Variants in AP1B1 observed in about 807,000 individuals in gnomAD.
AP1B1 encodes the protein AP-1 complex subunit beta-1.
A neutral mutation model predicts 104.3 loss-of-function variants in AP1B1; 36 were observed. The observed-to-expected ratio is 0.35, with a 90% CI of 0.26 to 0.46. The LOEUF (loss-of-function observed/expected upper bound fraction) is 0.46. Ranked by LOEUF, AP1B1 falls within the 20% of genes least tolerant of loss-of-function variation. The pLI, the probability that AP1B1 is intolerant of heterozygous loss-of-function variation, is 1.00. For missense variants in AP1B1, 901 were observed against 1,247.9 expected (o/e 0.72, Z 4.19); for synonymous variants, 504 against 517.5 (o/e 0.97, Z 0.35).
At chr22:29,386,180 A>C (rs1362219738) in intron 1 of AP1B1, among the ~76,000 whole-genome samples, 1 of 152,178 alleles carries the variant, frequency 6.6e-6, no homozygotes, top group Non-Finnish European at 1.5e-5. Flanking sequence ...CCAGGGGTAG[A>C]GGAGTCAGAA....
At chr22:29,385,385 C>T (rs1232506845) in intron 1 of AP1B1, among the ~76,000 whole-genome samples, 4 of 151,732 alleles carry the variant, frequency 2.6e-5, no homozygotes, top group South Asian at 4.2e-4. Context: ...GATCCTGTCT[C>T]GAAAAAAGAA....
At position 29,334,260 on chromosome 22, in the gene AP1B1, C is replaced by T. The variant is rs1364702850; in HGVS notation, c.2309+5G>A. On this transcript the variant is annotated splice_donor_5th_base_variant and intron_variant, in intron 17 of 22. Transcript: ENST00000357586. Reference sequence around the variant, plus strand: ...AGAGGTGCGCTGGCCTCAGGGAGCTCTCACCTGTTGCGGTTGAACTGGATG... The same window carrying T: ...AGAGGTGCGCTGGCCTCAGGGAGCTTTCACCTGTTGCGGTTGAACTGGATG... 14 of 1,589,928 alleles carry T rather than the reference C, an allele frequency of 8.8e-6. No homozygotes were observed. Among genetic ancestry groups the T allele is most frequent in the Non-Finnish European group, 1.2e-5 (14 of 1,169,616 alleles).
At chr22:29,377,261 C>CAGACAGGGA (rs1216846300) in intron 1 of AP1B1, among the ~76,000 whole-genome samples, 1 of 141,288 alleles carries the variant, frequency 7.1e-6, no homozygotes, top group Non-Finnish European at 1.5e-5. Flanking sequence ...GTTCACTTTA[C>CAGACAGGGA]AGACAGGGAA....
intron 2 of AP1B1, among the ~76,000 whole-genome samples, chr22:29,363,465 T>C (rs1039889083): frequency 2.6e-5 from 4 of 152,062 alleles, no homozygotes; most frequent in Non-Finnish European, 4.4e-5. Flanking sequence ...CTGGCCAACA[T>C]AGTGAAACCT....
At chr22:29,348,162 A>C (rs1416781714) in intron 11 of AP1B1, among the ~76,000 whole-genome samples, 1 of 152,240 alleles carries the variant, frequency 6.6e-6, no homozygotes, top group African/African-American at 2.4e-5. Flanking sequence ...ACTTGCTAAA[A>C]TTTACTTGTA....
chr22:29,366,552 TG>T (rs2062140045), intron 2 of AP1B1, among the ~76,000 whole-genome samples: 1 of 152,044 alleles, frequency 6.6e-6, no homozygotes, highest in African/African-American at 2.4e-5. Flanking sequence ...CACTTAAACC[TG>T]GAAAGCGGAG....
rs774368924 is a variant in AP1B1 at position 29,349,314 on chromosome 22, G to A, written c.1341C>T (p.Ala447=). The part of the protein sequence containing the change: ...DSLDEPEARA[A]MIWIVGEYAE... The stretch of plus-strand genomic sequence containing the variant: ...CGTACTCGCCCACAATCCAGATCAT[G>A]GCAGCCCGGGCCTCAGGCTCATCCA... The change falls in exon 11 of 23, where the codon GCC becomes GCT. Residue 447 remains alanine (A), a synonymous_variant. Coordinates refer to ENST00000357586, the MANE Select transcript of AP1B1 (RefSeq NM_001127.4). 1.9e-6 allele frequency: 3 copies of A among 1,614,120 alleles called. No individual in the cohort carries two copies. Among genetic ancestry groups the A allele is most frequent in the African/African-American group, 1.3e-5 (1 of 75,050 alleles).
intron 11 of AP1B1, among the ~76,000 whole-genome samples, chr22:29,343,320 A>C (rs1222804141): frequency 6.6e-6 from 1 of 152,208 alleles, no homozygotes; most frequent in Non-Finnish European, 1.5e-5. Flanking sequence ...CAGTGCAGGA[A>C]GCCCAGCAGC....
intron 11 of AP1B1, 77 bp downstream of exon 11, chr22:29,349,141 G>C: frequency 6.5e-7 from 1 of 1,540,074 alleles, no homozygotes; most frequent in Non-Finnish European, 8.8e-7. Flanking sequence ...AGGAAGGGAG[G>C]GTTTCATGGC....
rs1383968141 is a variant in AP1B1, at chr22:29,349,866, G to A, written c.1271+169C>T. On this transcript the variant is annotated intron_variant, in intron 10 of 22. Transcript: ENST00000357586. ...ACGTTAGCCCTTATTTTGGCCTGGG[G>A]AGTAGAGGAGGGGCAGTGTGGACGA... is the stretch of plus-strand genomic sequence containing the variant. Among the ~76,000 whole-genome samples, 3 of 152,310 alleles carry A rather than the reference G, an allele frequency of 2.0e-5. No homozygotes were observed. In the East Asian group the frequency reaches 5.8e-4, roughly 29 times the overall value.
intron 7 of AP1B1, among the ~76,000 whole-genome samples, chr22:29,352,206 T>C (rs2061887338): frequency 6.6e-6 from 1 of 152,244 alleles, no homozygotes; most frequent in African/African-American, 2.4e-5. Flanking sequence ...TACAGAAACA[T>C]GTTACTACTG....
At chr22:29,362,518 T>A (rs2062066187) in intron 3 of AP1B1, among the ~76,000 whole-genome samples, 1 of 152,130 alleles carries the variant, frequency 6.6e-6, no homozygotes, top group East Asian at 1.9e-4. Flanking sequence ...GGCTACTTTT[T>A]GTATTTTTAG....
chr22:29,330,634 G>C lies in AP1B1; in HGVS notation c.2600C>G (p.Pro867Arg), dbSNP rs763612751. The change falls in exon 20 of 23, where the codon CCC (proline) becomes CGC (arginine). Residue 867 changes from proline (P) to arginine (R), a missense_variant. Around this residue, in one of 3 missense-constraint regions of AP1B1, gnomAD observed 424 missense variants for 494.0 expected, o/e 0.86. Coordinates refer to ENST00000357586, the MANE Select transcript of AP1B1 (RefSeq NM_001127.4). ...CTCGGAGTCCTCACCTGCATTGAGG[G>C]GGCAGTCTCTGATCTGGAACTGGGC... The part of the protein sequence containing the change: ...NEAQFQIRDC[P>R]LNAEAASSKL... 14 of 1,613,764 alleles carry C rather than the reference G, an allele frequency of 8.7e-6. No individual in the cohort carries two copies. In the East Asian group the frequency reaches 1.6e-4, roughly 18 times the overall value.
intron 1 of AP1B1, among the ~76,000 whole-genome samples, chr22:29,372,938 A>G (rs945839144): frequency 6.6e-6 from 1 of 152,238 alleles, no homozygotes; most frequent in Non-Finnish European, 1.5e-5. Flanking sequence ...TTAAAAGGAA[A>G]GTATGCTGAA....
intron 11 of AP1B1, among the ~76,000 whole-genome samples, chr22:29,345,538 A>AT (rs34676854): frequency 0.34 from 44,931 of 132,688 alleles, 8,277 homozygotes; most frequent in Admixed American, 0.49. Flanking sequence ...CACCCAGCTA[A>AT]TTTTTTTTTT....
At chr22:29,344,196 C>T (rs559866788) in intron 11 of AP1B1, among the ~76,000 whole-genome samples, 15 of 152,062 alleles carry the variant, frequency 9.9e-5, no homozygotes, top group Admixed American at 9.2e-4. Flanking sequence ...ATCACCACTA[C>T]CATCACACAG....
chr22:29,355,527 T>C (rs2061943260), intron 6 of AP1B1, among the ~76,000 whole-genome samples: 1 of 152,154 alleles, frequency 6.6e-6, no homozygotes, highest in African/African-American at 2.4e-5. Context: ...TGCTGCTTGA[T>C]AACCCCTAGC....
At chr22:29,356,939 G>A (rs2061967704) in intron 5 of AP1B1, among the ~76,000 whole-genome samples, 1 of 152,216 alleles carries the variant, frequency 6.6e-6, no homozygotes. Context: ...ATGCTTGTCA[G>A]CTGTGCTTCT....
rs780974385 is a variant in AP1B1, at chr22:29,330,673, G to A, written c.2561C>T (p.Pro854Leu). The A allele has an allele frequency of 6.2e-7, 1 of 1,613,758 alleles. No individual in the cohort carries two copies. The highest frequency in any genetic ancestry group is 8.5e-7 in the Non-Finnish European group (1 of 1,180,004). ...QMFLATWKDI[P>L]NENEAQFQIR... ...CTGGAACTGGGCCTCATTCTCATTG[G>A]GAATATCCTTCCATGTGGCCAGGAA... Residue 854 changes from proline (P) to leucine (L), a missense_variant, in exon 20 of 23, where the codon CCC becomes CTC. Pro to Leu is a moderately conservative substitution (Grantham distance 98). Coordinates refer to ENST00000357586, the MANE Select transcript of AP1B1 (RefSeq NM_001127.4).
Sources: allele counts gnomAD v4.1 joint callset (sites outside exome capture counted in the v4.1 genomes callset), GRCh38; gene constraint gnomAD v4.1.1; regional missense constraint gnomAD v4.1.1; transcripts MANE v1.5; gene names NCBI Gene and HGNC (gene_info 2026-07-23, HGNC 2026-07-21).